SORCS3: variants seen among roughly 807,000 people sequenced by gnomAD.
SORCS3 encodes VPS10 domain-containing receptor SorCS3.
In SORCS3, 57 loss-of-function variants were observed where a neutral mutation model predicts 146.3. That is an observed-to-expected ratio of 0.39 (90% CI 0.31 to 0.49). The LOEUF (loss-of-function observed/expected upper bound fraction) is 0.49, where lower values mean the gene tolerates loss of function less well. Among genes scored for constraint, SORCS3 ranks in the 20% least tolerant of loss-of-function variants. The pLI, the probability that SORCS3 is intolerant of heterozygous loss-of-function variation, is 0.92. For synonymous variants in SORCS3, 653 were observed against 618.5 expected (o/e 1.06, Z -0.83); for missense variants, 1,341 against 1,575.5 (o/e 0.85, Z 2.52).
chr10:104,878,960 C>A (rs1016005564), intron 2 of SORCS3, among the ~76,000 whole-genome samples: 5 of 152,244 alleles, frequency 3.3e-5, no homozygotes, highest in African/African-American at 1.2e-4. Context: ...TGGTAAGCCC[C>A]AGCCTACTCC....
chr10:105,089,788 T>C lies in SORCS3; in HGVS notation c.1042T>C (p.Leu348=), dbSNP rs754246009. The C allele has an allele frequency of 4.3e-6, 7 of 1,613,874 alleles. No individual in the cohort carries two copies. The South Asian group carries it at 5.5e-5, about 13-fold the overall frequency. ...PNRFYWSVAG[L]DKEADLVHME... is the part of the protein sequence containing the mutation. ...TTCCTTTCCCAGGTCGGTGGCCGGA[T>C]TGGATAAGGAGGCGGACCTGGTGCA... Residue 348 remains leucine, a synonymous_variant, in exon 6 of 27, where the codon TTG becomes CTG. Coordinates refer to ENST00000369701, the MANE Select transcript of SORCS3 (RefSeq NM_014978.3).
chr10:104,809,135 C>A (rs1406639538), intron 1 of SORCS3, among the ~76,000 whole-genome samples: 1 of 152,102 alleles, frequency 6.6e-6, no homozygotes, highest in Non-Finnish European at 1.5e-5. Context: ...GTTTTAGATA[C>A]CTTTAGGATA....
At chr10:104,700,182 G>A (rs1305773971) in intron 1 of SORCS3, among the ~76,000 whole-genome samples, 1 of 152,184 alleles carries the variant, frequency 6.6e-6, no homozygotes, top group Non-Finnish European at 1.5e-5. Context: ...GTGGCCTGAG[G>A]TGTGCATTCC....
chr10:105,182,351 G>A (rs1257658597), intron 14 of SORCS3, among the ~76,000 whole-genome samples: 1 of 149,438 alleles, frequency 6.7e-6, no homozygotes, highest in African/African-American at 2.5e-5. Context: ...TTGGGCAGAT[G>A]AGGACACTGA....
At chr10:105,121,405 TG>T (rs1276595075) in intron 7 of SORCS3, among the ~76,000 whole-genome samples, 3 of 152,158 alleles carry the variant, frequency 2.0e-5, no homozygotes, top group Non-Finnish European at 2.9e-5. Flanking sequence ...TAATCACCCA[TG>T]GTTGTATAGC....
At chr10:104,674,517 T>A (rs774530887) in intron 1 of SORCS3, among the ~76,000 whole-genome samples, 3 of 152,252 alleles carry the variant, frequency 2.0e-5, no homozygotes, top group Admixed American at 6.5e-5. Flanking sequence ...CTTGGCCCTA[T>A]ATCCATAGTG....
At chr10:104,916,429 G>C (rs1044792668) in intron 3 of SORCS3, among the ~76,000 whole-genome samples, 1 of 152,166 alleles carries the variant, frequency 6.6e-6, no homozygotes, top group East Asian at 1.9e-4. Flanking sequence ...GCAGCTCCTG[G>C]CTTCTTCAAC....
At chr10:105,131,049 G>A (rs745686551) in intron 7 of SORCS3, among the ~76,000 whole-genome samples, 10 of 152,130 alleles carry the variant, frequency 6.6e-5, no homozygotes, top group Non-Finnish European at 1.0e-4. Context: ...ACTTCCTGAT[G>A]AAACTTGTAG....
At chr10:104,653,818 A>G (rs1248540481) in intron 1 of SORCS3, among the ~76,000 whole-genome samples, 1 of 152,052 alleles carries the variant, frequency 6.6e-6, no homozygotes, top group Non-Finnish European at 1.5e-5. Flanking sequence ...TCCAGATTAT[A>G]CTCTTTTAGT....
rs577229171 is a variant in SORCS3 at position 105,172,924 on chromosome 10, A to T, written c.1902-5142A>T. ...GTTTCTTTCCAGCTTTATATATTTT[A>T]TTAGCTAATTTCATTTCTCTAGTGG... is the stretch of plus-strand genomic sequence containing the variant. On this transcript the variant is annotated intron_variant, in intron 13 of 26. Coordinates refer to ENST00000369701, the MANE Select transcript of SORCS3 (RefSeq NM_014978.3). Among the ~76,000 whole-genome samples the T allele has an allele frequency of 7.2e-5, 11 of 152,256 alleles. No individual in the cohort carries two copies. The South Asian group carries it at 2.3e-3, about 32-fold the overall frequency.
At position 105,147,768 on chromosome 10, in the gene SORCS3, T is replaced by C. The variant is rs369790282; in HGVS notation, c.1454T>C (p.Met485Thr). Residue 485 changes from methionine (M) to threonine (T), a missense_variant, in exon 9 of 27, where the codon ATG becomes ACG. Transcript: ENST00000369701. ...MENIKSSRGLMGNIIIELYEV... is the reference protein window; with the variant it reads ...MENIKSSRGLTGNIIIELYEV... ...AACATCAAGAGCAGCAGAGGTCTAA[T>C]GGGGAACATCATTATTGAATTGTAT... 1 of 1,612,644 alleles carries C rather than the reference T, an allele frequency of 6.2e-7. No individual in the cohort carries two copies. Among genetic ancestry groups the C allele is most frequent in the African/African-American group, 1.3e-5 (1 of 74,824 alleles).
chr10:104,905,654 T>C (rs60947019), intron 2 of SORCS3, among the ~76,000 whole-genome samples: 4,294 of 152,246 alleles, frequency 0.028, 210 homozygotes, highest in African/African-American at 0.097. Flanking sequence ...AGAAGTGTCA[T>C]GCACACAAAG....
intron 1 of SORCS3, chr10:104,665,626 TG>T (rs1272224930): frequency 6.6e-6 from 1 of 152,266 alleles, no homozygotes; most frequent in Non-Finnish European, 1.5e-5. Flanking sequence ...GTTTCCCTGG[TG>T]GCAGACATTC....
At chr10:105,246,661 AT>A (rs2056868137) in intron 21 of SORCS3, among the ~76,000 whole-genome samples, 1 of 152,232 alleles carries the variant, frequency 6.6e-6, no homozygotes, top group African/African-American at 2.4e-5. Context: ...CAAAGTAAAC[AT>A]TTTAATTGTA....
intron 5 of SORCS3, among the ~76,000 whole-genome samples, chr10:105,088,115 G>A (rs1013200530): frequency 2.0e-5 from 3 of 152,212 alleles, no homozygotes; most frequent in African/African-American, 7.2e-5. Context: ...AGAGGGGCAG[G>A]GAGATGAGTG....
At chr10:105,254,939 A>G (rs1162646779) in intron 23 of SORCS3, among the ~76,000 whole-genome samples, 2 of 152,068 alleles carry the variant, frequency 1.3e-5, no homozygotes, top group African/African-American at 4.8e-5. Context: ...CTGTAATCCC[A>G]GCACTTTGGG....
chr10:104,959,988 G>C lies in SORCS3; in HGVS notation c.796-17347G>C, dbSNP rs548295496. Reference sequence around the variant, plus strand: ...GTTATTACAGCCTGGTCTCTTATGTGGTCCATTGTCTCAAAGGGTTGTTGC... The same window carrying C: ...GTTATTACAGCCTGGTCTCTTATGTCGTCCATTGTCTCAAAGGGTTGTTGC... On this transcript the variant is annotated intron_variant, in intron 3 of 26. Coordinates refer to ENST00000369701, the MANE Select transcript of SORCS3 (RefSeq NM_014978.3). Among the ~76,000 whole-genome samples the C allele has an allele frequency of 2.5e-4, 38 of 152,240 alleles. No homozygotes were observed. The South Asian group carries it at 7.9e-3, about 32-fold the overall frequency.
chr10:104,680,395 T>G (rs913608884), intron 1 of SORCS3, among the ~76,000 whole-genome samples: 1 of 152,236 alleles, frequency 6.6e-6, no homozygotes, highest in Admixed American at 6.5e-5. Context: ...CTTCAGTGCA[T>G]CTTTTCTCAA....
At chr10:105,005,398 A>T (rs2055088447) in intron 4 of SORCS3, among the ~76,000 whole-genome samples, 1 of 152,214 alleles carries the variant, frequency 6.6e-6, no homozygotes, top group African/African-American at 2.4e-5. Context: ...AAGTGTTAAG[A>T]AGGCAAAGAC....
Sources: gnomAD v4.1 joint callset for allele counts (sites outside exome capture counted in the v4.1 genomes callset) on GRCh38, gnomAD v4.1.1 for gene constraint, MANE v1.5 for transcripts, NCBI Gene and HGNC (gene_info 2026-07-23, HGNC 2026-07-21) for gene names.